ENTREP2: variants seen among roughly 807,000 people sequenced by gnomAD.
ENTREP2 encodes the protein protein ENTREP2.
At chr15:29,576,541 T>A in the ENTREP2 span, among the ~76,000 whole-genome samples, 1 of 152,198 alleles carries the variant, frequency 6.6e-6, no homozygotes, top group Non-Finnish European at 1.5e-5. Context: ...AGACAAACTA[T>A]AACATGGAAA....
the ENTREP2 span, among the ~76,000 whole-genome samples, chr15:29,453,364 G>A: frequency 6.6e-6 from 1 of 152,164 alleles, no homozygotes; most frequent in Non-Finnish European, 1.5e-5. Flanking sequence ...ACTAACCCAG[G>A]GATGAAAAGC....
At chr15:29,643,939 T>C in the ENTREP2 span, among the ~76,000 whole-genome samples, 1 of 152,136 alleles carries the variant, frequency 6.6e-6, no homozygotes, top group Non-Finnish European at 1.5e-5. Context: ...TTTGTAGGCG[T>C]ATACTGAATA....
chr15:29,334,592 A>G, the ENTREP2 span, among the ~76,000 whole-genome samples: 2 of 152,216 alleles, frequency 1.3e-5, no homozygotes, highest in African/African-American at 4.8e-5. Context: ...GACTGAGCGT[A>G]TTAAAATACT....
chr15:29,246,222 T>C, the ENTREP2 span, among the ~76,000 whole-genome samples: 1 of 151,410 alleles, frequency 6.6e-6, no homozygotes, highest in Non-Finnish European at 1.5e-5. Flanking sequence ...TGAAACTCTC[T>C]ACAAAAAATA....
chr15:29,330,104 T>G, the ENTREP2 span, among the ~76,000 whole-genome samples: 2 of 152,048 alleles, frequency 1.3e-5, no homozygotes, highest in Non-Finnish European at 2.9e-5. Flanking sequence ...ACATCAACAG[T>G]GATGCCTTAC....
the ENTREP2 span, among the ~76,000 whole-genome samples, chr15:29,141,474 G>T: frequency 6.6e-6 from 1 of 152,210 alleles, no homozygotes; most frequent in Non-Finnish European, 1.5e-5. Flanking sequence ...GGCAGGGCAG[G>T]CATCAGGGGT....
At chr15:29,600,461 CATCATCATCA>C in the ENTREP2 span, among the ~76,000 whole-genome samples, 2 of 150,968 alleles carry the variant, frequency 1.3e-5, no homozygotes, top group Non-Finnish European at 2.9e-5. Context: ...TCATCATCAT[CATCATCATCA>C]ATCATCATCA....
chr15:29,323,888 C>A, the ENTREP2 span, among the ~76,000 whole-genome samples: 1 of 151,996 alleles, frequency 6.6e-6, no homozygotes, highest in African/African-American at 2.4e-5. Flanking sequence ...TAGATATGAA[C>A]CAGTATTGTG....
At chr15:29,268,619 C>G in the ENTREP2 span, 2 of 535,768 alleles carry the variant, frequency 3.7e-6, no homozygotes, top group Non-Finnish European at 6.2e-6. Context: ...AAATCTGGAG[C>G]AAAATAACAC....
chr15:29,478,659 C>T, the ENTREP2 span, among the ~76,000 whole-genome samples: 1 of 151,826 alleles, frequency 6.6e-6, no homozygotes, highest in Non-Finnish European at 1.5e-5. Flanking sequence ...AATCCCAGCA[C>T]TTTGGGAGGC....
the ENTREP2 span, among the ~76,000 whole-genome samples, chr15:29,197,945 A>G: frequency 6.6e-6 from 1 of 152,196 alleles, no homozygotes; most frequent in Non-Finnish European, 1.5e-5. Context: ...TAACCATAAC[A>G]AATAATTTTT....
chr15:29,120,831 G>T, the ENTREP2 span: 1 of 152,276 alleles, frequency 6.6e-6, no homozygotes, highest in Non-Finnish European at 1.5e-5. Context: ...GCAGCCCGGG[G>T]CCTGGGCTCT....
chr15:29,224,420 G>A, the ENTREP2 span, among the ~76,000 whole-genome samples: 1 of 152,116 alleles, frequency 6.6e-6, no homozygotes, highest in Non-Finnish European at 1.5e-5. Context: ...GGCTCGGGCA[G>A]CCCGCTTTTA....
chr15:29,587,784 G>A, the ENTREP2 span, among the ~76,000 whole-genome samples: 2 of 152,020 alleles, frequency 1.3e-5, no homozygotes, highest in Admixed American at 6.6e-5. Context: ...TCAGTCTCCC[G>A]AGTAGCTGGG....
chr15:29,631,414 C>T, the ENTREP2 span, among the ~76,000 whole-genome samples: 4 of 152,136 alleles, frequency 2.6e-5, no homozygotes, highest in African/African-American at 4.8e-5. Context: ...GCAGTTTCCC[C>T]GTTTAGACTT....
At chr15:29,392,092 T>C in the ENTREP2 span, among the ~76,000 whole-genome samples, 1 of 151,976 alleles carries the variant, frequency 6.6e-6, no homozygotes, top group Non-Finnish European at 1.5e-5. Flanking sequence ...CCTCCCAAAG[T>C]GTTGGAATTA....
At chr15:29,445,936 G>C in the ENTREP2 span, among the ~76,000 whole-genome samples, 1 of 152,208 alleles carries the variant, frequency 6.6e-6, no homozygotes, top group African/African-American at 2.4e-5. Context: ...ATGTCTGCTG[G>C]AGAATTGCTT....
the ENTREP2 span, among the ~76,000 whole-genome samples, chr15:29,483,521 G>A: frequency 0.51 from 77,802 of 152,104 alleles, 21,162 homozygotes; most frequent in African/African-American, 0.72. Flanking sequence ...AAGAGTTTGC[G>A]TGTTGGCCTC....
At chr15:29,269,809 T>G in the ENTREP2 span, 23 of 1,142,864 alleles carry the variant, frequency 2.0e-5, no homozygotes, top group Admixed American at 6.0e-4. Context: ...GCGCGCGCAG[T>G]GTCGGCTGAG....
Sources: allele counts gnomAD v4.1 joint callset (sites outside exome capture counted in the v4.1 genomes callset), GRCh38; gene constraint gnomAD v4.1.1; transcripts MANE v1.5; gene names NCBI Gene and HGNC (gene_info 2026-07-23, HGNC 2026-07-21).